ZRANB3: variants seen among roughly 807,000 people sequenced by gnomAD.
ZRANB3 encodes DNA annealing helicase and endonuclease ZRANB3.
A neutral mutation model predicts 133.8 loss-of-function variants in ZRANB3; 125 were observed. The observed-to-expected ratio is 0.93, with a 90% CI of 0.81 to 1.08. The LOEUF is 1.08. Among genes scored for constraint, ZRANB3 ranks in the 50% least tolerant of loss-of-function variants. The pLI, the probability that ZRANB3 is intolerant of heterozygous loss-of-function variation, is 0.00. For missense variants in ZRANB3, 1,229 were observed against 1,275.5 expected, an observed-to-expected ratio of 0.96 and a Z score of 0.56; for synonymous variants, 387 against 432.7, an observed-to-expected ratio of 0.89 and a Z score of 1.31.
At chr2:135,480,659 A>G (rs895941799) in intron 2 of ZRANB3, among the ~76,000 whole-genome samples, 4 of 151,596 alleles carry the variant, frequency 2.6e-5, no homozygotes, top group Non-Finnish European at 4.4e-5. Context: ...ACATGTGCAC[A>G]TTGTGCAGGT....
At position 135,504,512 on chromosome 2, in the gene ZRANB3, C is replaced by T. The variant is rs757139853; in HGVS notation, c.-7-16G>A. Reference sequence around the variant, plus strand: ...CATGATGATCCTAAAAACAAAGAAACAACAAAAAAGGGAGGGGTATAAGAA... The same window carrying T: ...CATGATGATCCTAAAAACAAAGAAATAACAAAAAAGGGAGGGGTATAAGAA... On this transcript the variant is annotated splice_polypyrimidine_tract_variant and intron_variant, in intron 1 of 20. Coordinates refer to ENST00000264159, the MANE Select transcript of ZRANB3 (RefSeq NM_032143.4). 4.4e-6 allele frequency: 7 copies of T among 1,584,874 alleles called. No homozygotes were observed. The highest frequency in any genetic ancestry group is 4.3e-6 in the Non-Finnish European group (5 of 1,169,348).
chr2:135,388,805 G>A lies in ZRANB3; in HGVS notation c.180+1997C>T, dbSNP rs1037677412. Reference sequence around the variant, plus strand: ...GCTCATCCTGTTTTAGGCCGGGCACGATGGTTCACACCTGTAATCCCAGCA... The same window carrying A: ...GCTCATCCTGTTTTAGGCCGGGCACAATGGTTCACACCTGTAATCCCAGCA... On this transcript the variant is annotated intron_variant, in intron 3 of 20. Transcript: ENST00000264159. 1.1e-4 allele frequency among the ~76,000 whole-genome samples: 17 copies of A among 152,048 alleles called. 1 individual carries two copies. Among genetic ancestry groups the A allele is most frequent in the African/African-American group, 2.9e-4 (12 of 41,406 alleles).
chr2:135,495,235 AC>A (rs1434565668), intron 2 of ZRANB3, among the ~76,000 whole-genome samples: 2 of 152,256 alleles, frequency 1.3e-5, no homozygotes, highest in East Asian at 1.9e-4. Flanking sequence ...TTCTAAAAAA[AC>A]AAAACTAAGA....
chr2:135,504,847 T>A (rs1693103231), intron 1 of ZRANB3, among the ~76,000 whole-genome samples: 1 of 152,100 alleles, frequency 6.6e-6, no homozygotes, highest in East Asian at 1.9e-4. Context: ...ATGAATCTGC[T>A]AGAGAAAGAT....
chr2:135,471,097 G>A (rs1039154871), intron 2 of ZRANB3, among the ~76,000 whole-genome samples: 1 of 143,256 alleles, frequency 7.0e-6, no homozygotes, highest in Non-Finnish European at 1.5e-5. Context: ...CACTGCACCC[G>A]GCCTCACTTT....
intron 11 of ZRANB3, 90 bp from the exon 12 acceptor site, chr2:135,265,776 G>T (rs1680210866): frequency 1.5e-6 from 2 of 1,334,724 alleles, no homozygotes; most frequent in Non-Finnish European, 2.0e-6. Flanking sequence ...TAAATCATAA[G>T]CTACCCACTA....
At chr2:135,485,736 G>A (rs1364617273) in intron 2 of ZRANB3, among the ~76,000 whole-genome samples, 1 of 152,122 alleles carries the variant, frequency 6.6e-6, no homozygotes, top group Non-Finnish European at 1.5e-5. Flanking sequence ...TTAAAGCTCT[G>A]TTTACACCAT....
intron 12 of ZRANB3, among the ~76,000 whole-genome samples, chr2:135,239,487 A>T (rs1695455955): frequency 6.6e-6 from 1 of 152,056 alleles, no homozygotes; most frequent in Admixed American, 6.5e-5. Context: ...AAATTAAAAC[A>T]TGTTATCATA....
intron 8 of ZRANB3, among the ~76,000 whole-genome samples, chr2:135,297,621 C>A (rs1682207723): frequency 6.6e-6 from 1 of 152,234 alleles, no homozygotes; most frequent in Admixed American, 6.5e-5. Context: ...TGAGATGAAC[C>A]CGGTACCTCA....
At chr2:135,482,625 T>C (rs949723564) in intron 2 of ZRANB3, among the ~76,000 whole-genome samples, 22 of 152,208 alleles carry the variant, frequency 1.4e-4, no homozygotes, top group African/African-American at 4.1e-4. Flanking sequence ...TCCTGCCTCA[T>C]TGCCCTGGCC....
Position 135,403,673 on chromosome 2 carries a change from A to C in ZRANB3, c.162-12853T>G, listed in dbSNP as rs542550711. Among the ~76,000 whole-genome samples the C allele has an allele frequency of 1.8e-4, 27 of 152,230 alleles. No individual in the cohort carries two copies. The South Asian group carries it at 5.4e-3, about 30-fold the overall frequency. On this transcript the variant is annotated intron_variant, in intron 2 of 20. Transcript: ENST00000264159. The stretch of plus-strand genomic sequence containing the variant: ...TGCCTCCTCAAGTGGGTCCCTGACC[A>C]CCGAGTAGCCTAACTGGGAGGCACC...
intron 12 of ZRANB3, among the ~76,000 whole-genome samples, chr2:135,262,499 C>G (rs1047107586): frequency 1.3e-5 from 2 of 152,132 alleles, no homozygotes; most frequent in African/African-American, 4.8e-5. Flanking sequence ...GACTAGAAGG[C>G]CAAGAGTGGT....
chr2:135,231,259 G>C (rs1694999282), intron 12 of ZRANB3, among the ~76,000 whole-genome samples: 1 of 152,094 alleles, frequency 6.6e-6, no homozygotes, highest in Non-Finnish European at 1.5e-5. Context: ...TGCAGCTTTA[G>C]AGAGGTAAGA....
intron 3 of ZRANB3, among the ~76,000 whole-genome samples, chr2:135,377,975 C>T: frequency 6.6e-6 from 1 of 152,154 alleles, no homozygotes; most frequent in Middle Eastern, 3.2e-3. Flanking sequence ...AGCCTCCCAG[C>T]CTGTATCTTT....
At chr2:135,441,691 T>C (rs762282798) in intron 2 of ZRANB3, among the ~76,000 whole-genome samples, 1 of 152,100 alleles carries the variant, frequency 6.6e-6, no homozygotes, top group Non-Finnish European at 1.5e-5. Flanking sequence ...GAAACGGCTA[T>C]ATTTTACCAG....
At chr2:135,207,350 C>T in intron 19 of ZRANB3, 84 bp downstream of exon 19, 1 of 1,447,002 alleles carries the variant, frequency 6.9e-7, no homozygotes, top group Non-Finnish European at 9.2e-7. Flanking sequence ...TGAATATTCC[C>T]ATGTTAAAAT....
At chr2:135,361,090 A>G (rs1245701991) in intron 3 of ZRANB3, among the ~76,000 whole-genome samples, 1 of 152,180 alleles carries the variant, frequency 6.6e-6, no homozygotes, top group Admixed American at 6.5e-5. Context: ...AGATTTCAGT[A>G]TTTTGAAAAG....
intron 17 of ZRANB3, 49 bp from the exon 18 acceptor site, chr2:135,209,027 G>A (rs1693995603): frequency 6.5e-7 from 1 of 1,533,002 alleles, no homozygotes; most frequent in Non-Finnish European, 9.0e-7. Flanking sequence ...ATATAAAAAT[G>A]TCTCTATTGC....
intron 2 of ZRANB3, among the ~76,000 whole-genome samples, chr2:135,476,219 T>C (rs1270051042): frequency 1.3e-5 from 2 of 152,196 alleles, no homozygotes; most frequent in South Asian, 4.1e-4. Context: ...ACTTTTGAAA[T>C]AAGTGGGGAC....
Sources: gnomAD v4.1 joint callset for allele counts (sites outside exome capture counted in the v4.1 genomes callset) on GRCh38, gnomAD v4.1.1 for gene constraint, MANE v1.5 for transcripts, NCBI Gene and HGNC (gene_info 2026-07-23, HGNC 2026-07-21) for gene names.